Variants in RBBP6 observed in about 807,000 individuals in gnomAD.
RBBP6 encodes E3 ubiquitin-protein ligase RBBP6.
Under a neutral mutation model 167.7 loss-of-function variants are expected in RBBP6, and 25 were observed. The observed-to-expected ratio is 0.15, with a 90% CI of 0.11 to 0.21. The LOEUF is 0.21. Ranked by LOEUF, RBBP6 falls within the 10% of genes least tolerant of loss-of-function variation. The probability of loss-of-function intolerance (pLI) is 1.00; values close to 1 mark genes in which losing one functional copy is unlikely to be tolerated. For missense variants in RBBP6, 1,868 were observed against 2,134.2 expected (o/e 0.88, Z 2.46); for synonymous variants, 789 against 735.8 (o/e 1.07, Z -1.17).
At position 24,569,004 on chromosome 16, in the gene RBBP6, TCTC is replaced by T. The variant is rs750875862; in HGVS notation, c.2318_2320del (p.Pro773del). 4.3e-6 allele frequency: 7 copies of T among 1,614,056 alleles called. No homozygotes were observed. In the Admixed American group the frequency reaches 5.0e-5, roughly 12 times the overall value. Reference sequence around the variant, plus strand: ...CAGACGCTATCATTCACGATCAAGATCTCCTCAAGCGTTTAGGGGACAGTCTCC... The same window carrying T: ...CAGACGCTATCATTCACGATCAAGATCTCAAGCGTTTAGGGGACAGTCTCC... On this transcript the variant is annotated inframe_deletion, in exon 17 of 18. Transcript: ENST00000319715.
chr16:24,549,009 T>C (rs1304108168), intron 3 of RBBP6, 28 bp downstream of exon 3: 2 of 1,606,958 alleles, frequency 1.2e-6, no homozygotes, highest in Non-Finnish European at 1.7e-6. Context: ...CTCACACTTT[T>C]TCTACACATT....
intron 3 of RBBP6, 107 bp downstream of exon 3, chr16:24,549,088 C>T (rs1375390715): frequency 1.0e-5 from 16 of 1,527,752 alleles, no homozygotes; most frequent in Non-Finnish European, 9.7e-6. Context: ...GATCATAGTA[C>T]ATATTGTAAA....
intron 2 of RBBP6, among the ~76,000 whole-genome samples, chr16:24,548,202 G>T (rs142372145): frequency 3.3e-5 from 5 of 151,830 alleles, no homozygotes; most frequent in African/African-American, 1.2e-4. Flanking sequence ...TTCTTTTGGG[G>T]TTTATGTCTT....
chr16:24,553,467 G>A (rs752145102), intron 3 of RBBP6, 46 bp from the exon 4 acceptor site: 2 of 1,540,252 alleles, frequency 1.3e-6, no homozygotes, highest in East Asian at 2.3e-5. Context: ...ACTTTAAGAT[G>A]TTTTCAGTTT....
intron 4 of RBBP6, chr16:24,553,833 A>G: frequency 4.8e-6 from 1 of 209,568 alleles, no homozygotes; most frequent in Non-Finnish European, 9.4e-6. Flanking sequence ...TTGTTTAATT[A>G]TACATTGGAA....
At chr16:24,555,495 A>G in intron 4 of RBBP6, 120 bp from the exon 5 acceptor site, 1 of 752,886 alleles carries the variant, frequency 1.3e-6, no homozygotes, top group African/African-American at 1.8e-5. Context: ...ACGTGTAAAT[A>G]GCTGTTTTTA....
chr16:24,567,140 C>T lies in RBBP6; in HGVS notation c.1590-3C>T. The T allele has an allele frequency of 6.2e-7, 1 of 1,606,430 alleles. No individual in the cohort carries two copies. On this transcript the variant is annotated splice_region_variant and splice_polypyrimidine_tract_variant and intron_variant, in intron 14 of 17. Coordinates refer to ENST00000319715, the MANE Select transcript of RBBP6 (RefSeq NM_006910.5). Reference sequence around the variant, plus strand: ...AGTAATATCTTGGAATTTATTTTTCCAGAAGTATAAACCGTGGGCGACACC... The same window carrying T: ...AGTAATATCTTGGAATTTATTTTTCTAGAAGTATAAACCGTGGGCGACACC...
intron 4 of RBBP6, 86 bp from the exon 5 acceptor site, chr16:24,555,529 C>T: frequency 9.8e-7 from 1 of 1,024,210 alleles, no homozygotes. Context: ...AGATACTGCT[C>T]TTTACAGGAT....
At chr16:24,557,485 T>C (rs1328372014) in intron 7 of RBBP6, among the ~76,000 whole-genome samples, 1 of 152,204 alleles carries the variant, frequency 6.6e-6, no homozygotes. Flanking sequence ...TAAGTGTTCT[T>C]TGGACTGCTG....
chr16:24,570,807 T>A, intron 17 of RBBP6, 69 bp from the exon 18 acceptor site: 1 of 1,207,444 alleles, frequency 8.3e-7, no homozygotes, highest in Non-Finnish European at 1.1e-6. Flanking sequence ...AGCATTTTTA[T>A]ATTTATCAGT....
At chr16:24,547,636 AG>A (rs2141457622) in intron 2 of RBBP6, among the ~76,000 whole-genome samples, 1 of 152,172 alleles carries the variant, frequency 6.6e-6, no homozygotes, top group East Asian at 1.9e-4. Context: ...TTGGATTTTT[AG>A]TAGAGACTGG....
Position 24,539,671 on chromosome 16 carries a change from A to G in RBBP6, c.-956A>G, listed in dbSNP as rs1276790581. On this transcript the variant is annotated 5_prime_UTR_variant, in exon 1 of 18. Transcript: ENST00000319715. ...CCCCGAGCGGCAGGGGGCCAACACA[A>G]AAAGGGAGCCGGAGAAGCCCTAGCC... The G allele has an allele frequency of 1.3e-5, 2 of 152,126 alleles. No individual in the cohort carries two copies. Among genetic ancestry groups the G allele is most frequent in the East Asian group, 1.9e-4 (1 of 5,152 alleles). The allele number at this position is 152,126 out of a possible 1,614,324, so 9.4% of individuals were successfully genotyped here. A position where few individuals can be genotyped will look rare whatever the true frequency, so the allele number is the denominator to read the frequency against.
Position 24,540,538 on chromosome 16 carries a change from T to A in RBBP6, c.-89T>A. The A allele has an allele frequency of 7.5e-7, 1 of 1,331,776 alleles. No homozygotes were observed. Among genetic ancestry groups the A allele is most frequent in the African/African-American group, 1.5e-5 (1 of 67,996 alleles). 82.5% of individuals were successfully genotyped at this position (1,331,776 alleles called of 1,614,324 possible). On this transcript the variant is annotated 5_prime_UTR_variant, in exon 1 of 18. Transcript: ENST00000319715. The stretch of plus-strand genomic sequence containing the variant: ...CTTCGGTGTCTTTGAGTGTTTTGTG[T>A]GTACATATTTTGCTCTTAAAGTTTA...
rs1899255593 is a variant in RBBP6, at chr16:24,568,861, C to T, written c.2171C>T (p.Ser724Phe). ...TCTCGATCATTCAGCCGCTCACATT[C>T]TCGTTCCTATTCACGGTCACCTCCA... ...SYSRSFSRSH[S>F]RSYSRSPPYP... The change falls in exon 17 of 18, where the codon TCT becomes TTT. Residue 724 changes from serine (S) to phenylalanine (F), a missense_variant. Transcript: ENST00000319715. 6.2e-7 allele frequency: 1 copy of T among 1,614,130 alleles called. No homozygotes were observed. The highest frequency in any genetic ancestry group is 1.3e-5 in the African/African-American group (1 of 74,952).
In RBBP6 at chr16:24,569,502, A is replaced by C. The variant is rs1899275130; in HGVS notation, c.2812A>C (p.Lys938Gln). 6.2e-7 allele frequency: 1 copy of C among 1,608,494 alleles called. No individual in the cohort carries two copies. Among genetic ancestry groups the C allele is most frequent in the Admixed American group, 1.7e-5 (1 of 58,400 alleles). Reference sequence around the variant, plus strand: ...AGGAAATAAGCATAAGAAACACAGAAAAAGAAGAAAAGGGGAGGAAAGTGA... The same window carrying C: ...AGGAAATAAGCATAAGAAACACAGACAAAGAAGAAAAGGGGAGGAAAGTGA... ...GKGNKHKKHR[K>Q]RRKGEESEGF... Residue 938 changes from lysine (K) to glutamine (Q), a missense_variant, in exon 17 of 18, where the codon AAA becomes CAA. This residue lies in a region of RBBP6 where 673 missense variants were observed against 691.5 expected (regional missense o/e 0.97). Transcript: ENST00000319715.
At chr16:24,544,731 A>G (rs1026268209) in intron 1 of RBBP6, among the ~76,000 whole-genome samples, 5 of 152,166 alleles carry the variant, frequency 3.3e-5, no homozygotes, top group African/African-American at 1.2e-4. Flanking sequence ...CCATTTTCTT[A>G]ATTTCATTCT....
chr16:24,567,580 C>T (rs1899226078), intron 15 of RBBP6, 75 bp downstream of exon 15: 2 of 1,470,374 alleles, frequency 1.4e-6, no homozygotes, highest in Non-Finnish European at 9.1e-7. Flanking sequence ...TGTCTGGAAA[C>T]GTTTTCCAGT....
At chr16:24,550,917 C>T (rs1025908932) in intron 3 of RBBP6, among the ~76,000 whole-genome samples, 4 of 151,792 alleles carry the variant, frequency 2.6e-5, no homozygotes, top group Non-Finnish European at 5.9e-5. Flanking sequence ...TTTAGAGTCA[C>T]GTGGATTGTA....
intron 3 of RBBP6, chr16:24,549,312 A>G (rs766298094): frequency 4.3e-5 from 49 of 1,143,156 alleles, no homozygotes; most frequent in Non-Finnish European, 5.3e-5. Context: ...GACATGTTCT[A>G]CATTTGTCTG....
Sources: allele counts gnomAD v4.1 joint callset (sites outside exome capture counted in the v4.1 genomes callset), GRCh38; gene constraint gnomAD v4.1.1; regional missense constraint gnomAD v4.1.1; transcripts MANE v1.5; gene names NCBI Gene and HGNC (gene_info 2026-07-23, HGNC 2026-07-21).